Variants in EFNA5 observed in about 807,000 individuals in gnomAD.
EFNA5 encodes the protein ephrin A5.
In EFNA5, 5 loss-of-function variants were observed where a neutral mutation model predicts 22.9. That is an observed-to-expected ratio of 0.22 (90% CI 0.11 to 0.46). The LOEUF (loss-of-function observed/expected upper bound fraction) is 0.46. Among genes scored for constraint, EFNA5 ranks in the 20% least tolerant of loss-of-function variants. The pLI, the probability that EFNA5 is intolerant of heterozygous loss-of-function variation, is 0.99. For missense variants in EFNA5, 237 were observed against 293.3 expected, an observed-to-expected ratio of 0.81 and a Z score of 1.40; for synonymous variants, 113 against 112.2, an observed-to-expected ratio of 1.01 and a Z score of -0.04.
At chr5:107,517,247 G>A (rs1747500012) in intron 1 of EFNA5, among the ~76,000 whole-genome samples, 1 of 151,984 alleles carries the variant, frequency 6.6e-6, no homozygotes, top group Admixed American at 6.6e-5. Context: ...AGACAATGAT[G>A]CTATCTCACA....
chr5:107,656,351 C>A (rs1010357344), intron 1 of EFNA5, among the ~76,000 whole-genome samples: 1 of 152,114 alleles, frequency 6.6e-6, no homozygotes, highest in African/African-American at 2.4e-5. Context: ...CATTATTACT[C>A]TTTTAGAAAT....
chr5:107,476,060 T>A lies in EFNA5; in HGVS notation c.126-48551A>T, dbSNP rs867068592. 0.018 allele frequency among the ~76,000 whole-genome samples: 539 copies of A among 30,640 alleles called. 46 individuals are homozygous for A. In the African/African-American group the frequency reaches 0.18, roughly 10 times the overall value. The allele number at this position is 30,640 out of a possible 152,430, so 20.1% of individuals were successfully genotyped here. A position where few individuals can be genotyped will look rare whatever the true frequency, so the allele number is the denominator to read the frequency against. On this transcript the variant is annotated intron_variant, in intron 1 of 4. Transcript: ENST00000333274. ...GAGTTTTTAAACTATATATATATTT[T>A]TTTTTTTTGAGACAGAGTCTTGCTC... is the stretch of plus-strand genomic sequence containing the variant.
At chr5:107,496,011 C>CAGGACAGAAATT (rs1189486606) in intron 1 of EFNA5, among the ~76,000 whole-genome samples, 2 of 151,874 alleles carry the variant, frequency 1.3e-5, no homozygotes, top group Non-Finnish European at 2.9e-5. Context: ...CTTCCTCTAA[C>CAGGACAGAAATT]GTCAACCCAA....
chr5:107,480,294 T>C (rs25995), intron 1 of EFNA5, among the ~76,000 whole-genome samples: 111,050 of 152,204 alleles, frequency 0.73, 41,957 homozygotes, highest in African/African-American at 0.93. Flanking sequence ...ATCCACTCAA[T>C]AGTCATTACT....
At chr5:107,657,058 C>T (rs2112557322) in intron 1 of EFNA5, among the ~76,000 whole-genome samples, 1 of 152,160 alleles carries the variant, frequency 6.6e-6, no homozygotes, top group Non-Finnish European at 1.5e-5. Flanking sequence ...TGTATAGGAA[C>T]ATATATTAGT....
intron 1 of EFNA5, among the ~76,000 whole-genome samples, chr5:107,486,548 T>C (rs1214298920): frequency 6.6e-6 from 1 of 152,230 alleles, no homozygotes; most frequent in Non-Finnish European, 1.5e-5. Flanking sequence ...CATATCTAAC[T>C]TTCTTCTCCT....
chr5:107,438,032 C>T (rs915452660), intron 1 of EFNA5, among the ~76,000 whole-genome samples: 3 of 152,132 alleles, frequency 2.0e-5, no homozygotes, highest in African/African-American at 7.2e-5. Flanking sequence ...AAAGTGATGC[C>T]AGGCTAATTG....
At chr5:107,498,585 C>T (rs1000536319) in intron 1 of EFNA5, among the ~76,000 whole-genome samples, 1 of 152,172 alleles carries the variant, frequency 6.6e-6, no homozygotes, top group Non-Finnish European at 1.5e-5. Context: ...TATCACACAT[C>T]GCCTCGGCTC....
intron 1 of EFNA5, among the ~76,000 whole-genome samples, chr5:107,513,754 T>A (rs153118): frequency 6.6e-6 from 1 of 152,048 alleles, no homozygotes; most frequent in Non-Finnish European, 1.5e-5. Context: ...GGCTCTTCAC[T>A]GAGATACTGG....
At chr5:107,392,449 G>T (rs1433110500) in intron 2 of EFNA5, among the ~76,000 whole-genome samples, 1 of 152,124 alleles carries the variant, frequency 6.6e-6, no homozygotes, top group Non-Finnish European at 1.5e-5. Flanking sequence ...AGAGGTACAA[G>T]GAACTGATGT....
At chr5:107,464,540 CCTT>C (rs1749925562) in intron 1 of EFNA5, among the ~76,000 whole-genome samples, 3 of 152,152 alleles carry the variant, frequency 2.0e-5, no homozygotes, top group African/African-American at 7.2e-5. Flanking sequence ...TGAGCCCAGA[CCTT>C]CTCCTTCTCT....
At chr5:107,522,383 ACT>A (rs1425007096) in intron 1 of EFNA5, among the ~76,000 whole-genome samples, 3 of 151,084 alleles carry the variant, frequency 2.0e-5, no homozygotes, top group Non-Finnish European at 3.0e-5. Flanking sequence ...GCTCTTTCTC[ACT>A]CTCTTTCTTT....
At chr5:107,646,644 C>T (rs191930194) in intron 1 of EFNA5, among the ~76,000 whole-genome samples, 36 of 152,182 alleles carry the variant, frequency 2.4e-4, no homozygotes, top group African/African-American at 8.4e-4. Context: ...AAGGGTCACA[C>T]ATATTGACTC....
At chr5:107,463,252 G>A (rs867400512) in intron 1 of EFNA5, among the ~76,000 whole-genome samples, 19 of 152,114 alleles carry the variant, frequency 1.2e-4, no homozygotes, top group African/African-American at 4.6e-4. Flanking sequence ...AGATTACAAT[G>A]AAATATATAG....
chr5:107,444,839 A>T (rs553495805), intron 1 of EFNA5, among the ~76,000 whole-genome samples: 1 of 152,316 alleles, frequency 6.6e-6, no homozygotes, highest in Non-Finnish European at 1.5e-5. Context: ...ATTTGCTCCC[A>T]GACTCAAAGA....
intron 1 of EFNA5, among the ~76,000 whole-genome samples, chr5:107,569,533 A>T (rs1489747586): frequency 7.7e-6 from 1 of 130,504 alleles, no homozygotes; most frequent in East Asian, 2.1e-4. Context: ...ATATATATTT[A>T]TATATATATG....
chr5:107,515,310 T>G (rs967709705), intron 1 of EFNA5, among the ~76,000 whole-genome samples: 33 of 151,946 alleles, frequency 2.2e-4, no homozygotes, highest in Middle Eastern at 3.2e-3. Context: ...GTGCTGGGAA[T>G]ACAGATGTGA....
At chr5:107,472,542 A>G (rs1428207413) in intron 1 of EFNA5, among the ~76,000 whole-genome samples, 1 of 152,206 alleles carries the variant, frequency 6.6e-6, no homozygotes, top group Non-Finnish European at 1.5e-5. Context: ...CACAGCTTTC[A>G]TATTAAAACT....
intron 1 of EFNA5, among the ~76,000 whole-genome samples, chr5:107,550,916 A>C (rs1748280132): frequency 6.6e-6 from 1 of 152,234 alleles, no homozygotes; most frequent in Admixed American, 6.5e-5. Flanking sequence ...AAATTTGGTA[A>C]TTTTAAAAAG....
Sources: gnomAD v4.1 joint callset for allele counts (sites outside exome capture counted in the v4.1 genomes callset) on GRCh38, gnomAD v4.1.1 for gene constraint, MANE v1.5 for transcripts, NCBI Gene and HGNC (gene_info 2026-07-23, HGNC 2026-07-21) for gene names.